KIF14: variants seen among roughly 807,000 people sequenced by gnomAD.
The protein encoded by KIF14 is kinesin-like protein KIF14.
In KIF14, 98 loss-of-function variants were observed where a neutral mutation model predicts 176.2. That is an observed-to-expected ratio of 0.56 (90% confidence interval 0.47 to 0.66). The LOEUF (loss-of-function observed/expected upper bound fraction) is 0.66, where lower values mean the gene tolerates loss of function less well. Among genes scored for constraint, KIF14 ranks in the 30% least tolerant of loss-of-function variants. KIF14 has a pLI of 0.00. For missense variants in KIF14, 1,751 were observed against 1,920.4 expected (o/e 0.91, Z 1.65); for synonymous variants, 566 against 632.2 (o/e 0.90, Z 1.57).
intron 27 of KIF14, among the ~76,000 whole-genome samples, chr1:200,556,997 TTTTA>T (rs150078302): frequency 1.3e-4 from 20 of 152,016 alleles, no homozygotes; most frequent in Middle Eastern, 3.4e-3. Flanking sequence ...TACTTTTATT[TTTTA>T]TTTATTTATT....
rs57476742 is a variant in KIF14 at position 200,593,927 on chromosome 1, G to GTTTTTTTTTT, written c.2550-168_2550-159dup. ...AAATTATTTTATTTTCCTCCAACTAGTTTTTTTTTTTTTTTTTTTTTGAGA... is the reference window on the plus strand; with the variant it reads ...AAATTATTTTATTTTCCTCCAACTAGTTTTTTTTTTTTTTTTTTTTTTTTTTTTTTTGAGA... On this transcript the variant is annotated intron_variant, in intron 14 of 29. Coordinates refer to ENST00000367350, the MANE Select transcript of KIF14 (RefSeq NM_014875.3). Among the ~76,000 whole-genome samples, 26 of 100,550 alleles carry GTTTTTTTTTT rather than the reference G, an allele frequency of 2.6e-4. 1 individual carries two copies. Among genetic ancestry groups the GTTTTTTTTTT allele is most frequent in the East Asian group, 9.0e-4 (3 of 3,316 alleles). 66.0% of individuals were successfully genotyped at this position (100,550 alleles called of 152,430 possible). A position where few individuals can be genotyped will look rare whatever the true frequency, so the allele number is the denominator to read the frequency against.
intron 22 of KIF14, among the ~76,000 whole-genome samples, chr1:200,571,774 G>A (rs2102616460): frequency 6.6e-6 from 1 of 152,186 alleles, no homozygotes; most frequent in East Asian, 1.9e-4. Context: ...CTTCTACTTA[G>A]GGGTGAAAAA....
rs377244400 is a variant in KIF14 at position 200,569,571 on chromosome 1, ATCT to A, written c.3661+337_3661+339del. Among the ~76,000 whole-genome samples the A allele has an allele frequency of 8.0e-3, 1,222 of 152,244 alleles. 11 individuals carry two copies. Among genetic ancestry groups the A allele is most frequent in the African/African-American group, 0.026 (1,094 of 41,524 alleles). On this transcript the variant is annotated intron_variant, in intron 23 of 29. Coordinates refer to ENST00000367350, the MANE Select transcript of KIF14 (RefSeq NM_014875.3). ...TTCATTTACAAGCATCTATGTCCAC[ATCT>A]TCTTTTTTCTCCTCCTCACACAAAT...
chr1:200,557,742 C>A (rs1035412320), intron 27 of KIF14, among the ~76,000 whole-genome samples: 5 of 152,060 alleles, frequency 3.3e-5, no homozygotes, highest in African/African-American at 7.2e-5. Context: ...ACAACAACAA[C>A]AAAAAAACTA....
intron 4 of KIF14, among the ~76,000 whole-genome samples, chr1:200,612,876 A>ATT (rs1660222772): frequency 8.2e-6 from 1 of 122,646 alleles, no homozygotes; most frequent in Admixed American, 8.7e-5. Context: ...TTTCTAGTTT[A>ATT]TTCTCTTTTT....
At chr1:200,555,588 C>A in intron 27 of KIF14, 134 bp from the exon 28 acceptor site, 1 of 439,564 alleles carries the variant, frequency 2.3e-6, no homozygotes, top group Non-Finnish European at 4.1e-6. Context: ...TCTGGGATTG[C>A]AATTAAATAG....
chr1:200,554,967 T>C (rs935006344), intron 28 of KIF14, among the ~76,000 whole-genome samples: 3 of 152,166 alleles, frequency 2.0e-5, no homozygotes, highest in African/African-American at 7.2e-5. Flanking sequence ...GCCATAGCAA[T>C]TACTCTCCTT....
intron 23 of KIF14, among the ~76,000 whole-genome samples, chr1:200,566,724 T>C (rs1441012142): frequency 6.6e-6 from 1 of 152,032 alleles, no homozygotes; most frequent in African/African-American, 2.4e-5. Context: ...GGCCTCAGCG[T>C]CCACAGTAGG....
intron 4 of KIF14, 62 bp from the exon 5 acceptor site, chr1:200,608,990 T>G (rs1355431636): frequency 3.3e-6 from 3 of 906,046 alleles, no homozygotes; most frequent in South Asian, 3.2e-5. Flanking sequence ...ATATCTGTGG[T>G]TAGGAACTAG....
intron 10 of KIF14, among the ~76,000 whole-genome samples, chr1:200,602,495 G>C (rs1312209360): frequency 6.6e-6 from 1 of 152,130 alleles, no homozygotes; most frequent in Non-Finnish European, 1.5e-5. Context: ...TAGAGAAAAA[G>C]AGTATGAGAC....
At chr1:200,617,503 C>T in intron 2 of KIF14, 109 bp downstream of exon 2, 1 of 1,067,490 alleles carries the variant, frequency 9.4e-7, no homozygotes, top group South Asian at 1.9e-5. Flanking sequence ...AAAAGTATTG[C>T]CAACAAGTTT....
At chr1:200,555,514 G>T in intron 27 of KIF14, 60 bp from the exon 28 acceptor site, 1 of 972,932 alleles carries the variant, frequency 1.0e-6, no homozygotes, top group Middle Eastern at 2.9e-4. Flanking sequence ...AAAAATCATA[G>T]AATTGCATGG....
intron 1 of KIF14, among the ~76,000 whole-genome samples, chr1:200,619,147 G>A (rs552195092): frequency 2.6e-5 from 4 of 152,280 alleles, no homozygotes; most frequent in African/African-American, 9.6e-5. Context: ...CCATATATCA[G>A]GCCAAATGTG....
intron 25 of KIF14, among the ~76,000 whole-genome samples, chr1:200,561,883 T>C (rs767883469): frequency 7.2e-5 from 11 of 152,140 alleles, no homozygotes; most frequent in Non-Finnish European, 1.6e-4. Flanking sequence ...AAGATATGAT[T>C]TTCTCAAGGA....
chr1:200,603,483 G>C, intron 9 of KIF14, 142 bp from the exon 10 acceptor site: 1 of 581,286 alleles, frequency 1.7e-6, no homozygotes, highest in East Asian at 2.8e-5. Flanking sequence ...GTCTCACTCT[G>C]TTGCCCAGGC....
chr1:200,554,426 A>C lies in KIF14; in HGVS notation c.4567+42T>G, dbSNP rs761685646. On this transcript the variant is annotated intron_variant, in intron 29 of 29. Transcript: ENST00000367350. ...AGGAAAGATGTCTAAGGTTCCTTAA[A>C]ATATAAAATTCTGATTATAAACTCC... 3.8e-6 allele frequency: 5 copies of C among 1,332,076 alleles called. No individual in the cohort carries two copies. The African/African-American group carries it at 7.5e-5, about 20-fold the overall frequency. The allele number at this position is 1,332,076 out of a possible 1,614,324, so 82.5% of individuals were successfully genotyped here.
chr1:200,572,118 TATAC>T (rs1198094503), intron 22 of KIF14, among the ~76,000 whole-genome samples: 1 of 152,246 alleles, frequency 6.6e-6, no homozygotes, highest in Non-Finnish European at 1.5e-5. Flanking sequence ...TGAAACTTCG[TATAC>T]AAGGTCTCAG....
chr1:200,568,789 A>G (rs1161464822), intron 23 of KIF14, among the ~76,000 whole-genome samples: 3 of 152,188 alleles, frequency 2.0e-5, no homozygotes, highest in Non-Finnish European at 2.9e-5. Flanking sequence ...GGAATCATGT[A>G]GTATATATAC....
chr1:200,567,849 A>G (rs781167845), intron 23 of KIF14, among the ~76,000 whole-genome samples: 213 of 140,074 alleles, frequency 1.5e-3, no homozygotes, highest in Middle Eastern at 3.6e-3. Context: ...TTGTAAAGAG[A>G]AAAAAAAAAA....
Sources: allele counts gnomAD v4.1 joint callset (sites outside exome capture counted in the v4.1 genomes callset), GRCh38; gene constraint gnomAD v4.1.1; transcripts MANE v1.5; gene names NCBI Gene and HGNC (gene_info 2026-07-23, HGNC 2026-07-21).